The following BTG1 variants were observed in gnomAD, a reference collection of about 807,000 sequenced individuals.
BTG1 encodes the protein BTG anti-proliferation factor 1, also known as protein BTG1.
A neutral mutation model predicts 15.2 loss-of-function variants in BTG1; 2 were observed. The observed-to-expected ratio is 0.13, with a 90% confidence interval of 0.05 to 0.41. BTG1 has a LOEUF of 0.41. Ranked by LOEUF, BTG1 falls within the 10% of genes least tolerant of loss-of-function variation. BTG1 has a pLI of 0.99. For missense variants in BTG1, 149 were observed against 215.0 expected (o/e 0.69, Z 1.92); for synonymous variants, 109 against 82.4 (o/e 1.32, Z -1.75).
chr12:92,144,402 G>A lies in BTG1; in HGVS notation c.194C>T (p.Ser65Leu). The A allele has an allele frequency of 6.2e-7, 1 of 1,614,192 alleles. No individual in the cohort carries two copies. The change falls in exon 2 of 2, where the codon TCG becomes TTG. Residue 65 changes from serine to leucine, a missense_variant. Ser to Leu is a moderately radical substitution (Grantham distance 145, BLOSUM62 -2). Coordinates refer to ENST00000256015, the MANE Select transcript of BTG1 (RefSeq NM_001731.3). ...GTTGATGCGAATACAACGGTAACCC[G>A]ATCCCTTGCATGGCTTTTCTGGGAA... is the stretch of plus-strand genomic sequence containing the variant. ...HWFPEKPCKG[S>L]GYRCIRINHK...
intron 1 of BTG1, among the ~76,000 whole-genome samples, chr12:92,144,768 C>T (rs1870474525): frequency 2.0e-5 from 3 of 152,334 alleles, no homozygotes; most frequent in South Asian, 2.1e-4. Context: ...ACTTTCTCCA[C>T]CCCACCCCAG....
chr12:92,143,716 A>G lies in BTG1; in HGVS notation c.*364T>C. ...AACAACTTTCAAGTGTAATAGTGCAAATTCCCCTGCGAGATTTACTGCAGA... is the reference window on the plus strand; with the variant it reads ...AACAACTTTCAAGTGTAATAGTGCAGATTCCCCTGCGAGATTTACTGCAGA... On this transcript the variant is annotated 3_prime_UTR_variant, in exon 2 of 2. Coordinates refer to ENST00000256015, the MANE Select transcript of BTG1 (RefSeq NM_001731.3). The G allele has an allele frequency of 3.5e-6, 1 of 284,998 alleles. No individual in the cohort carries two copies. Among genetic ancestry groups the G allele is most frequent in the Non-Finnish European group, 6.6e-6 (1 of 151,414 alleles). The allele number at this position is 284,998 out of a possible 1,614,324, so 17.7% of individuals were successfully genotyped here. A position where few individuals can be genotyped will look rare whatever the true frequency, so the allele number is the denominator to read the frequency against.
chr12:92,143,876 TATTAAA>T lies in BTG1; in HGVS notation c.*198_*203del, dbSNP rs2136947897. 5.3e-6 allele frequency: 3 copies of T among 563,408 alleles called. No individual in the cohort carries two copies. In the South Asian group the frequency reaches 7.5e-5, roughly 14 times the overall value. 34.9% of individuals were successfully genotyped at this position (563,408 alleles called of 1,614,324 possible). A position where few individuals can be genotyped will look rare whatever the true frequency, so the allele number is the denominator to read the frequency against. ...TGATCATTTACTTGGACTCACAGGC[TATTAAA>T]ATTAATCATTGAAAGGTACTGTCCA... On this transcript the variant is annotated 3_prime_UTR_variant, in exon 2 of 2. Coordinates refer to ENST00000256015, the MANE Select transcript of BTG1 (RefSeq NM_001731.3).
Position 92,145,640 on chromosome 12 carries a change from G to T in BTG1, c.-105C>A. On this transcript the variant is annotated 5_prime_UTR_variant, in exon 1 of 2. Transcript: ENST00000256015. ...TCCTCACCGGGCGGAAGGCTGAGAGGAAGAGAGGGCGTGAGGGGCGGACGA... is the reference window on the plus strand; with the variant it reads ...TCCTCACCGGGCGGAAGGCTGAGAGTAAGAGAGGGCGTGAGGGGCGGACGA... 1 of 796,716 alleles carries T rather than the reference G, an allele frequency of 1.3e-6. No homozygotes were observed. Among genetic ancestry groups the T allele is most frequent in the Non-Finnish European group, 1.7e-6 (1 of 581,360 alleles). The allele number at this position is 796,716 out of a possible 1,614,324, so 49.4% of individuals were successfully genotyped here. A position where few individuals can be genotyped will look rare whatever the true frequency, so the allele number is the denominator to read the frequency against.
At position 92,145,542 on chromosome 12, in the gene BTG1, G is replaced by C. The variant is rs764188431; in HGVS notation, c.-7C>G. On this transcript the variant is annotated 5_prime_UTR_variant, in exon 1 of 2. Transcript: ENST00000256015. ...GGGTGTAGAAGGGATGCATGGGGGC[G>C]GCGTGCGGGGGCGGCCCGGGGCGGC... 3 of 1,481,196 alleles carry C rather than the reference G, an allele frequency of 2.0e-6. No homozygotes were observed. In the South Asian group the frequency reaches 4.1e-5, roughly 20 times the overall value. 91.8% of individuals were successfully genotyped at this position (1,481,196 alleles called of 1,614,324 possible).
In BTG1 at chr12:92,144,217, C is replaced by A; in HGVS notation, c.379G>T (p.Ala127Ser). ...EDGSICVLYE[A>S]SPAGGSTQNS... ...TGAGTGCTACCTCCTGCTGGTGAGG[C>A]TTCATACAGCACACAGATGGAGCCA... The change falls in exon 2 of 2, where the codon GCC (alanine) becomes TCC (serine). Residue 127 changes from alanine (A) to serine (S), a missense_variant. Transcript: ENST00000256015. The A allele has an allele frequency of 6.2e-7, 1 of 1,614,220 alleles. No individual in the cohort carries two copies. Among genetic ancestry groups the A allele is most frequent in the Non-Finnish European group, 8.5e-7 (1 of 1,180,046 alleles).
rs1043257264 is a variant in BTG1 at position 92,143,134 on chromosome 12, CAAGAT to C, written c.*941_*945del. On this transcript the variant is annotated 3_prime_UTR_variant, in exon 2 of 2. Transcript: ENST00000256015. ...CATGACAAGAGATTGATTAAAATGC[CAAGAT>C]AAGAAACGATTTATTATAGAGAGAA... is the stretch of plus-strand genomic sequence containing the variant. 5.2e-5 allele frequency: 12 copies of C among 232,436 alleles called. No individual in the cohort carries two copies. Among genetic ancestry groups the C allele is most frequent in the African/African-American group, 8.9e-5 (4 of 45,194 alleles). 14.4% of individuals were successfully genotyped at this position (232,436 alleles called of 1,614,324 possible).
rs767682028 is a variant in BTG1 at position 92,145,460 on chromosome 12, G to A, written c.76C>T (p.Leu26Phe). ...TCGCTCGTGAGCCCCTTGGTGCGGA[G>A]AAACTTGGAGATGAAGGACACGGCG... ...AAAVSFISKF[L>F]RTKGLTSERQ... is the part of the protein sequence containing the mutation. The change falls in exon 1 of 2, where the codon CTC becomes TTC. Residue 26 changes from leucine (L) to phenylalanine (F), a missense_variant. Transcript: ENST00000256015. The A allele has an allele frequency of 2.2e-5, 35 of 1,592,472 alleles. No individual in the cohort carries two copies. The highest frequency in any genetic ancestry group is 4.5e-5 in the South Asian group (4 of 88,928).
At chr12:92,144,473 A>G (rs945237800) in intron 1 of BTG1, 26 bp from the exon 2 acceptor site, 2 of 1,608,888 alleles carry the variant, frequency 1.2e-6, no homozygotes, top group Admixed American at 3.4e-5. Flanking sequence ...AGAACAGAGA[A>G]ACAACGCTTA....
rs1870171881 is a variant in BTG1, at chr12:92,140,907, G to C, written c.*3173C>G. 2 of 232,546 alleles carry C rather than the reference G, an allele frequency of 8.6e-6. No individual in the cohort carries two copies. The highest frequency in any genetic ancestry group is 1.7e-5 in the Non-Finnish European group (2 of 117,716). 14.4% of individuals were successfully genotyped at this position (232,546 alleles called of 1,614,324 possible). ...TCAAGAGGATTTTATCACATCATTT[G>C]AAATAGGGGTGAAAAGGGGAGAGGA... On this transcript the variant is annotated 3_prime_UTR_variant, in exon 2 of 2. Transcript: ENST00000256015.
chr12:92,144,316 G>A lies in BTG1; in HGVS notation c.280C>T (p.Leu94=). The stretch of plus-strand genomic sequence containing the variant: ...AGTTCACTTGGGAGAAGCCTGAACA[G>A]CTCCTGACTGCTCAGTCCAATCCGC... ...AQRIGLSSQE[L]FRLLPSELTL... is the part of the protein sequence containing the mutation. Residue 94 remains leucine (L), a synonymous_variant, in exon 2 of 2, where the codon CTG becomes TTG. Coordinates refer to ENST00000256015, the MANE Select transcript of BTG1 (RefSeq NM_001731.3). The A allele has an allele frequency of 6.2e-7, 1 of 1,614,216 alleles. No individual in the cohort carries two copies. Among genetic ancestry groups the A allele is most frequent in the Middle Eastern group, 1.6e-4 (1 of 6,062 alleles).
rs952099348 is a variant in BTG1, at chr12:92,142,558, C to T, written c.*1522G>A. 12 of 232,596 alleles carry T rather than the reference C, an allele frequency of 5.2e-5. No homozygotes were observed. Among genetic ancestry groups the T allele is most frequent in the Non-Finnish European group, 6.8e-5 (8 of 117,672 alleles). 14.4% of individuals were successfully genotyped at this position (232,596 alleles called of 1,614,324 possible). ...AAATAAAAGTCTGAAAATGAGGAATCGAGAAAGTCAGCATTTCAACTTTTG... is the reference window on the plus strand; with the variant it reads ...AAATAAAAGTCTGAAAATGAGGAATTGAGAAAGTCAGCATTTCAACTTTTG... On this transcript the variant is annotated 3_prime_UTR_variant, in exon 2 of 2. Transcript: ENST00000256015.
rs771866021 is a variant in BTG1, at chr12:92,145,420, G to C, written c.116C>G (p.Thr39Ser). ...KGLTSERQLQTFSQSLQELLA... is the reference protein window; with the variant it reads ...KGLTSERQLQSFSQSLQELLA... Reference sequence around the variant, plus strand: ...CAGCTCCTGCAGGCTCTGGCTGAAGGTCTGCAGCTGTCGCTCGCTCGTGAG... The same window carrying C: ...CAGCTCCTGCAGGCTCTGGCTGAAGCTCTGCAGCTGTCGCTCGCTCGTGAG... Residue 39 changes from threonine to serine, a missense_variant, in exon 1 of 2, where the codon ACC becomes AGC. Physicochemically the swap from Thr to Ser is moderately conservative, Grantham distance 58. Coordinates refer to ENST00000256015, the MANE Select transcript of BTG1 (RefSeq NM_001731.3). 1 of 1,591,170 alleles carries C rather than the reference G, an allele frequency of 6.3e-7. No homozygotes were observed.
chr12:92,145,136 T>G, intron 1 of BTG1: 1 of 392,254 alleles, frequency 2.5e-6, no homozygotes, highest in Non-Finnish European at 4.2e-6. Context: ...TGGGCTTAAG[T>G]TTCTTTGTTG....
rs1034531295 is a variant in BTG1, at chr12:92,142,522, G to T, written c.*1558C>A. 3.0e-5 allele frequency: 7 copies of T among 232,504 alleles called. No homozygotes were observed. The South Asian group carries it at 9.1e-4, about 30-fold the overall frequency. The allele number at this position is 232,504 out of a possible 1,614,324, so 14.4% of individuals were successfully genotyped here. A position where few individuals can be genotyped will look rare whatever the true frequency, so the allele number is the denominator to read the frequency against. ...TTATCAAGGTTCACTTAGGTTTTTA[G>T]TATTTATCTGAAATAAAAGTCTGAA... On this transcript the variant is annotated 3_prime_UTR_variant, in exon 2 of 2. Coordinates refer to ENST00000256015, the MANE Select transcript of BTG1 (RefSeq NM_001731.3).
At chr12:92,144,535 G>A (rs1870456495) in intron 1 of BTG1, 88 bp from the exon 2 acceptor site, 2 of 1,535,220 alleles carry the variant, frequency 1.3e-6, no homozygotes, top group Non-Finnish European at 8.8e-7. Flanking sequence ...CCTTTGAGGA[G>A]CGAAAATGAA....
chr12:92,141,117 G>A lies in BTG1; in HGVS notation c.*2963C>T. 1 of 232,764 alleles carries A rather than the reference G, an allele frequency of 4.3e-6. No individual in the cohort carries two copies. Among genetic ancestry groups the A allele is most frequent in the Non-Finnish European group, 8.5e-6 (1 of 117,760 alleles). 14.4% of individuals were successfully genotyped at this position (232,764 alleles called of 1,614,324 possible). On this transcript the variant is annotated 3_prime_UTR_variant, in exon 2 of 2. Coordinates refer to ENST00000256015, the MANE Select transcript of BTG1 (RefSeq NM_001731.3). ...TGTAGTCATTAAACACTAGCCATCGGGAATACGGCTTCCTTCCTTTTAACT... is the reference window on the plus strand; with the variant it reads ...TGTAGTCATTAAACACTAGCCATCGAGAATACGGCTTCCTTCCTTTTAACT...
In BTG1 at chr12:92,143,679, A is replaced by G. The variant is rs562397622; in HGVS notation, c.*401T>C. ...AACTTTCCTATTAAAAGCTGCCGAA[A>G]AGGTTAACAATAACAACTTTCAAGT... On this transcript the variant is annotated 3_prime_UTR_variant, in exon 2 of 2. Coordinates refer to ENST00000256015, the MANE Select transcript of BTG1 (RefSeq NM_001731.3). 2 of 258,392 alleles carry G rather than the reference A, an allele frequency of 7.7e-6. No individual in the cohort carries two copies. Among genetic ancestry groups the G allele is most frequent in the Non-Finnish European group, 7.4e-6 (1 of 134,532 alleles). 16.0% of individuals were successfully genotyped at this position (258,392 alleles called of 1,614,324 possible). A position where few individuals can be genotyped will look rare whatever the true frequency, so the allele number is the denominator to read the frequency against.
In BTG1 at chr12:92,141,545, T is replaced by C. The variant is rs1285669351; in HGVS notation, c.*2535A>G. 6 of 231,314 alleles carry C rather than the reference T, an allele frequency of 2.6e-5. No homozygotes were observed. Among genetic ancestry groups the C allele is most frequent in the Non-Finnish European group, 4.3e-5 (5 of 116,890 alleles). 14.3% of individuals were successfully genotyped at this position (231,314 alleles called of 1,614,324 possible). A position where few individuals can be genotyped will look rare whatever the true frequency, so the allele number is the denominator to read the frequency against. ...GAATTCCTGGTGCCAAAGGCAACAATAATTTTGAAAGTAGTCATCCTATCT... is the reference window on the plus strand; with the variant it reads ...GAATTCCTGGTGCCAAAGGCAACAACAATTTTGAAAGTAGTCATCCTATCT... On this transcript the variant is annotated 3_prime_UTR_variant, in exon 2 of 2. Transcript: ENST00000256015.
Sources: gnomAD v4.1 joint callset for allele counts (sites outside exome capture counted in the v4.1 genomes callset) on GRCh38, gnomAD v4.1.1 for gene constraint, MANE v1.5 for transcripts, NCBI Gene and HGNC (gene_info 2026-07-23, HGNC 2026-07-21) for gene names.